LNX1: variants seen among roughly 807,000 people sequenced by gnomAD.
The protein encoded by LNX1 is E3 ubiquitin-protein ligase LNX.
LNX1 carries 54 observed loss-of-function variants against 68.4 expected under a neutral mutation model. The ratio of observed to expected loss-of-function variants is 0.79; its 90% CI spans 0.63 to 0.99. The LOEUF (loss-of-function observed/expected upper bound fraction) is 0.99, where lower values mean the gene tolerates loss of function less well. Among genes scored for constraint, LNX1 ranks in the 50% least tolerant of loss-of-function variants. LNX1 has a pLI of 0.00. For missense variants in LNX1, 906 were observed against 926.4 expected (o/e 0.98, Z 0.29); for synonymous variants, 336 against 350.0 (o/e 0.96, Z 0.45).
chr4:53,499,074 T>C (rs1484256846), intron 4 of LNX1, among the ~76,000 whole-genome samples: 1 of 152,174 alleles, frequency 6.6e-6, no homozygotes, highest in Non-Finnish European at 1.5e-5. Flanking sequence ...TCTACCCTGA[T>C]TCCTCCTTCC....
At chr4:53,614,180 T>C (rs1357350188) in intron 2 of LNX1, among the ~76,000 whole-genome samples, 1 of 152,194 alleles carries the variant, frequency 6.6e-6, no homozygotes, top group African/African-American at 2.4e-5. Flanking sequence ...TGTTTGTTGA[T>C]TTAAGTCCAT....
At chr4:53,626,498 A>G (rs1734079772) in intron 1 of LNX1, among the ~76,000 whole-genome samples, 1 of 152,208 alleles carries the variant, frequency 6.6e-6, no homozygotes, top group Non-Finnish European at 1.5e-5. Flanking sequence ...GTCTTTGTTG[A>G]GCATGCATTG....
chr4:53,478,429 G>C, intron 8 of LNX1, 136 bp downstream of exon 8: 1 of 732,322 alleles, frequency 1.4e-6, no homozygotes. Context: ...AACCAATCAT[G>C]GTCAATGGGT....
intron 9 of LNX1, among the ~76,000 whole-genome samples, chr4:53,474,701 C>T (rs538120042): frequency 1.3e-5 from 2 of 152,212 alleles, no homozygotes; most frequent in African/African-American, 4.8e-5. Context: ...TCAGTGTTGT[C>T]TATGCCGGGA....
intron 2 of LNX1, among the ~76,000 whole-genome samples, chr4:53,553,192 T>G (rs541600173): frequency 6.6e-6 from 1 of 152,184 alleles, no homozygotes; most frequent in African/African-American, 2.4e-5. Flanking sequence ...TAGCACTGAG[T>G]GGGGACACAG....
chr4:53,490,139 G>A (rs201855102), intron 6 of LNX1, among the ~76,000 whole-genome samples: 1 of 152,028 alleles, frequency 6.6e-6, no homozygotes, highest in Admixed American at 6.6e-5. Flanking sequence ...TTCATATAAG[G>A]AAAAAACAAT....
intron 2 of LNX1, among the ~76,000 whole-genome samples, chr4:53,541,745 TTA>T (rs1393640672): frequency 1.1e-4 from 1 of 9,254 alleles, no homozygotes; most frequent in Non-Finnish European, 3.2e-4. Flanking sequence ...GTCTGAGTCA[TTA>T]AAAAAAAGTA....
At chr4:53,520,431 A>G (rs1727127794) in intron 2 of LNX1, among the ~76,000 whole-genome samples, 1 of 152,210 alleles carries the variant, frequency 6.6e-6, no homozygotes, top group South Asian at 2.1e-4. Context: ...TGCCAGGTCA[A>G]TTCTTCAGAG....
At chr4:53,571,094 C>G (rs1271120973) in intron 2 of LNX1, among the ~76,000 whole-genome samples, 3 of 150,570 alleles carry the variant, frequency 2.0e-5, no homozygotes, top group African/African-American at 7.4e-5. Flanking sequence ...TCTTGGCTTA[C>G]TGGCAGCCTC....
intron 2 of LNX1, among the ~76,000 whole-genome samples, chr4:53,616,169 T>C (rs1733672082): frequency 1.3e-5 from 2 of 152,236 alleles, no homozygotes; most frequent in African/African-American, 4.8e-5. Context: ...TTCTGTGGGC[T>C]TGGATATTTT....
intron 9 of LNX1, among the ~76,000 whole-genome samples, chr4:53,463,476 C>T (rs887166819): frequency 6.6e-6 from 1 of 152,046 alleles, no homozygotes; most frequent in African/African-American, 2.4e-5. Flanking sequence ...TTGGGTCTGA[C>T]TTTGTGGGCA....
At chr4:53,520,679 T>G (rs1367592442) in intron 2 of LNX1, among the ~76,000 whole-genome samples, 1 of 152,202 alleles carries the variant, frequency 6.6e-6, no homozygotes, top group African/African-American at 2.4e-5. Context: ...TGTTTACTTT[T>G]GGCTGGGCAT....
rs796119095 is a variant in LNX1, at chr4:53,466,380, T to G, written c.1893-4787A>C. On this transcript the variant is annotated intron_variant, in intron 9 of 10. Transcript: ENST00000263925. Reference sequence around the variant, plus strand: ...AAAAAGAAACCTGAAGACAGCCGAATAGGAACAGCTCCAGTCTACAGCTCC... The same window carrying G: ...AAAAAGAAACCTGAAGACAGCCGAAGAGGAACAGCTCCAGTCTACAGCTCC... Among the ~76,000 whole-genome samples, 3 of 152,188 alleles carry G rather than the reference T, an allele frequency of 2.0e-5. No individual in the cohort carries two copies. In the South Asian group the frequency reaches 6.2e-4, roughly 32 times the overall value.
At chr4:53,612,812 G>C (rs933887612) in intron 2 of LNX1, among the ~76,000 whole-genome samples, 2 of 151,690 alleles carry the variant, frequency 1.3e-5, no homozygotes, top group Non-Finnish European at 2.9e-5. Flanking sequence ...CTGAGTCCAG[G>C]AGTTTGAGGC....
intron 1 of LNX1, among the ~76,000 whole-genome samples, chr4:53,650,139 GC>G (rs1735039236): frequency 6.6e-6 from 1 of 152,192 alleles, no homozygotes; most frequent in African/African-American, 2.4e-5. Context: ...GAGGACACGT[GC>G]CCTGCCTGTA....
intron 2 of LNX1, among the ~76,000 whole-genome samples, chr4:53,562,617 G>A (rs1415164707): frequency 6.6e-6 from 1 of 152,182 alleles, no homozygotes; most frequent in Non-Finnish European, 1.5e-5. Context: ...ATGTGATTCT[G>A]TCTGCCTGTA....
chr4:53,531,324 C>A (rs982480303), intron 2 of LNX1, among the ~76,000 whole-genome samples: 2 of 152,202 alleles, frequency 1.3e-5, no homozygotes, highest in Non-Finnish European at 2.9e-5. Flanking sequence ...TCTTTTCCTG[C>A]ACCAGCTCAC....
chr4:53,487,753 G>A (rs1485602800), intron 6 of LNX1, among the ~76,000 whole-genome samples: 9 of 152,166 alleles, frequency 5.9e-5, no homozygotes, highest in Admixed American at 4.6e-4. Context: ...TATAGAGCTC[G>A]TCCTCTAGGG....
chr4:53,574,394 G>C (rs1180896124), intron 1 of LNX1, among the ~76,000 whole-genome samples: 1 of 152,032 alleles, frequency 6.6e-6, no homozygotes, highest in Non-Finnish European at 1.5e-5. Flanking sequence ...AATGTAATTT[G>C]TTAAGAAAAT....
Sources: allele counts gnomAD v4.1 joint callset (sites outside exome capture counted in the v4.1 genomes callset), GRCh38; gene constraint gnomAD v4.1.1; transcripts MANE v1.5; gene names NCBI Gene and HGNC (gene_info 2026-07-23, HGNC 2026-07-21).